Variants in ANKFN1 observed in about 807,000 individuals in gnomAD.
ANKFN1 encodes ankyrin repeat and fibronectin type III domain containing 1, also known as ankyrin repeat and fibronectin type-III domain-containing protein 1.
Under a neutral mutation model 108.7 loss-of-function variants are expected in ANKFN1, and 74 were observed. The observed-to-expected ratio is 0.68, with a 90% CI of 0.56 to 0.83. The LOEUF (loss-of-function observed/expected upper bound fraction) is 0.83. Ranked by LOEUF, ANKFN1 falls within the 40% of genes least tolerant of loss-of-function variation. ANKFN1 has a pLI of 0.00. For missense variants in ANKFN1, 1,505 were observed against 1,382.3 expected (o/e 1.09, Z -1.41); for synonymous variants, 547 against 516.2 (o/e 1.06, Z -0.81).
chr17:56,172,244 G>A (rs1279040920), intron 1 of ANKFN1, among the ~76,000 whole-genome samples: 1 of 152,084 alleles, frequency 6.6e-6, no homozygotes, highest in African/African-American at 2.4e-5. Context: ...TTGAAAGAAT[G>A]CATCCTTTGG....
chr17:56,050,045 C>T (rs1413515964), intron 4 of ANKFN1, among the ~76,000 whole-genome samples: 7 of 151,906 alleles, frequency 4.6e-5, no homozygotes, highest in South Asian at 2.1e-4. Flanking sequence ...ACATCCTCTC[C>T]AGCACCTGTT....
At position 56,372,816 on chromosome 17, in the gene ANKFN1, A is replaced by G; in HGVS notation, c.772A>G (p.Met258Val). The G allele has an allele frequency of 2.5e-6, 4 of 1,613,678 alleles. No homozygotes were observed. Among genetic ancestry groups the G allele is most frequent in the Non-Finnish European group, 3.4e-6 (4 of 1,179,894 alleles). Residue 258 changes from methionine (M) to valine (V), a missense_variant, in exon 7 of 21, where the codon ATG (methionine) becomes GTG (valine). Transcript: ENST00000682825. ...GTGGAGGTATCGGCTCTACAGACGC[A>G]TGAAAACAGGCTTTGAGCATGCCAG... ...WEWRYRLYRR[M>V]KTGFEHARAP...
intron 18 of ANKFN1, among the ~76,000 whole-genome samples, chr17:56,489,222 T>G (rs2050950746): frequency 1.3e-5 from 2 of 152,112 alleles, no homozygotes; most frequent in Admixed American, 1.3e-4. Flanking sequence ...CCATAGAAAA[T>G]TAGTCTTAGT....
At chr17:56,275,513 G>T (rs540176208) in intron 3 of ANKFN1, among the ~76,000 whole-genome samples, 1 of 152,118 alleles carries the variant, frequency 6.6e-6, no homozygotes, top group Admixed American at 6.5e-5. Flanking sequence ...GGAAAAATAA[G>T]ATTTAGTTGA....
chr17:56,392,222 G>A (rs2047461608), intron 8 of ANKFN1, among the ~76,000 whole-genome samples: 1 of 152,164 alleles, frequency 6.6e-6, no homozygotes, highest in South Asian at 2.1e-4. Context: ...TAATAAGTAG[G>A]GGCTGAGCAG....
intron 4 of ANKFN1, among the ~76,000 whole-genome samples, chr17:56,148,355 G>A (rs1353083442): frequency 6.6e-6 from 1 of 152,212 alleles, no homozygotes; most frequent in African/African-American, 2.4e-5. Context: ...AATTTTACAG[G>A]AAAGAGGCTA....
intron 4 of ANKFN1, among the ~76,000 whole-genome samples, chr17:56,053,998 C>T (rs563644507): frequency 6.6e-6 from 1 of 152,254 alleles, no homozygotes; most frequent in South Asian, 2.1e-4. Flanking sequence ...TATCCCTAGC[C>T]ATTCTTCCTC....
intron 1 of ANKFN1, among the ~76,000 whole-genome samples, chr17:56,175,598 GA>G (rs1911071436): frequency 6.6e-6 from 1 of 152,166 alleles, no homozygotes; most frequent in Admixed American, 6.5e-5. Context: ...AAGCGATGGT[GA>G]AGTCCAGATC....
intron 1 of ANKFN1, among the ~76,000 whole-genome samples, chr17:56,158,536 G>A (rs993051102): frequency 1.3e-5 from 2 of 152,248 alleles, no homozygotes; most frequent in African/African-American, 4.8e-5. Flanking sequence ...CTGGGGGCTT[G>A]GACAAAGCAA....
intron 4 of ANKFN1, among the ~76,000 whole-genome samples, chr17:56,095,872 G>A (rs1442895763): frequency 6.6e-6 from 1 of 152,166 alleles, no homozygotes; most frequent in African/African-American, 2.4e-5. Context: ...GAAATAAGAA[G>A]TCCTTGGACC....
rs762936246 is a variant in ANKFN1, at chr17:56,466,499, G to T, written c.1701G>T (p.Leu567=). 9.3e-6 allele frequency: 15 copies of T among 1,614,056 alleles called. No individual in the cohort carries two copies. Among genetic ancestry groups the T allele is most frequent in the Non-Finnish European group, 1.3e-5 (15 of 1,179,980 alleles). ...FNGKWMQISK[L]QSQRKSLSTP... ...GCAAATGGATGCAGATCTCAAAGCT[G>T]CAAAGCCAGAGAAAGTCTCTATCAA... The change falls in exon 15 of 21, where the codon CTG becomes CTT. Residue 567 remains leucine, a synonymous_variant. Transcript: ENST00000682825.
At chr17:56,285,092 G>A (rs1057250569) in intron 3 of ANKFN1, among the ~76,000 whole-genome samples, 1 of 152,124 alleles carries the variant, frequency 6.6e-6, no homozygotes, top group African/African-American at 2.4e-5. Flanking sequence ...ATCACCTCAT[G>A]GAGAAATCTA....
At chr17:56,378,085 A>T (rs914017981) in intron 8 of ANKFN1, among the ~76,000 whole-genome samples, 1 of 152,188 alleles carries the variant, frequency 6.6e-6, no homozygotes, top group African/African-American at 2.4e-5. Context: ...GACATTTTTT[A>T]AAATTAAAAA....
chr17:56,190,047 C>T lies in ANKFN1; in HGVS notation c.-70-22551C>T, dbSNP rs552814577. ...ATGGTAGTTTGTATTTCTGTGGGAT[C>T]GGTGGTGATATCCCCTTTATCATTT... On this transcript the variant is annotated intron_variant, in intron 1 of 20. Coordinates refer to ENST00000682825, the MANE Select transcript of ANKFN1 (RefSeq NM_001370326.1). Among the ~76,000 whole-genome samples the T allele has an allele frequency of 7.4e-5, 11 of 148,502 alleles. No individual in the cohort carries two copies. The East Asian group carries it at 1.4e-3, about 19-fold the overall frequency.
intron 1 of ANKFN1, among the ~76,000 whole-genome samples, chr17:56,181,669 T>G (rs1911687659): frequency 6.6e-6 from 1 of 152,212 alleles, no homozygotes; most frequent in African/African-American, 2.4e-5. Flanking sequence ...CTTCTTAGCA[T>G]GTACAACCAT....
intron 4 of ANKFN1, among the ~76,000 whole-genome samples, chr17:56,134,077 G>A (rs745584622): frequency 5.3e-5 from 8 of 152,210 alleles, no homozygotes; most frequent in Admixed American, 3.3e-4. Context: ...TGGTTCTGAC[G>A]ACTTCCTTCT....
Position 56,440,396 on chromosome 17 carries a change from T to C in ANKFN1, c.980T>C (p.Leu327Pro), listed in dbSNP as rs2049062519. 6.2e-7 allele frequency: 1 copy of C among 1,612,356 alleles called. No individual in the cohort carries two copies. ...GEIIMDNLQT[L>P]RCTITGLTMG... ...ATCATCATGGATAATCTGCAGACTC[T>C]GAGATGCACAATCACAGGACTTACA... The change falls in exon 9 of 21, where the codon CTG (leucine) becomes CCG (proline). Residue 327 changes from leucine to proline, a missense_variant. Transcript: ENST00000682825.
chr17:56,101,222 C>A (rs1473650332), intron 4 of ANKFN1, among the ~76,000 whole-genome samples: 1 of 152,150 alleles, frequency 6.6e-6, no homozygotes, highest in Non-Finnish European at 1.5e-5. Context: ...GTTAATCCAC[C>A]AGTGTATGGT....
intron 4 of ANKFN1, among the ~76,000 whole-genome samples, chr17:56,139,614 C>G (rs1907798357): frequency 6.6e-6 from 1 of 152,126 alleles, no homozygotes; most frequent in Non-Finnish European, 1.5e-5. Context: ...AACTTTAAAA[C>G]CATTCTATAT....
Sources: gnomAD v4.1 joint callset for allele counts (sites outside exome capture counted in the v4.1 genomes callset) on GRCh38, gnomAD v4.1.1 for gene constraint, MANE v1.5 for transcripts, NCBI Gene and HGNC (gene_info 2026-07-23, HGNC 2026-07-21) for gene names.